The following HIVEP2 variants were observed in gnomAD, a reference collection of about 807,000 sequenced individuals.
The protein encoded by HIVEP2 is transcription factor HIVEP2.
Under a neutral mutation model 180.7 loss-of-function variants are expected in HIVEP2, and 14 were observed. The observed-to-expected ratio is 0.08, with a 90% confidence interval of 0.05 to 0.12. HIVEP2 has a LOEUF of 0.12. Among genes scored for constraint, HIVEP2 ranks in the 10% least tolerant of loss-of-function variants. The pLI, the probability that HIVEP2 is intolerant of heterozygous loss-of-function variation, is 1.00. For synonymous variants in HIVEP2, 1,184 were observed against 1,136.4 expected (o/e 1.04, Z -0.84); for missense variants, 2,579 against 3,008.5 (o/e 0.86, Z 3.34).
At chr6:142,875,032 A>T (rs1776394949) in intron 1 of HIVEP2, among the ~76,000 whole-genome samples, 1 of 152,200 alleles carries the variant, frequency 6.6e-6, no homozygotes, top group South Asian at 2.1e-4. Context: ...ACAGACAAAA[A>T]ATACATCAAC....
chr6:142,777,472 C>T (rs1028631925), intron 3 of HIVEP2, among the ~76,000 whole-genome samples: 12 of 151,644 alleles, frequency 7.9e-5, no homozygotes, highest in Admixed American at 7.2e-4. Flanking sequence ...CATAGAGAAA[C>T]CCTGTTTCTA....
Position 142,770,194 on chromosome 6 carries a change from G to A in HIVEP2, c.4545C>T (p.Phe1515=). Residue 1515 remains phenylalanine, a synonymous_variant, in exon 5 of 10, where the codon TTC becomes TTT. Coordinates refer to ENST00000367603, the MANE Select transcript of HIVEP2 (RefSeq NM_006734.4). The surrounding 1 kb of genome is among the most constrained non-coding windows in gnomAD (Gnocchi z 4.7). ...KDGLQSGSSS[F]SSLSPSSSQD... ...GAGATGAGGAGGGCGACAGCGAGGA[G>A]AAGGAAGATGACCCTGACTGCAAGC... is the stretch of plus-strand genomic sequence containing the variant. The A allele has an allele frequency of 6.2e-7, 1 of 1,614,206 alleles. No individual in the cohort carries two copies. Among genetic ancestry groups the A allele is most frequent in the Non-Finnish European group, 8.5e-7 (1 of 1,180,034 alleles).
At chr6:142,894,806 G>A (rs555404104) in intron 1 of HIVEP2, among the ~76,000 whole-genome samples, 2 of 152,204 alleles carry the variant, frequency 1.3e-5, no homozygotes, top group East Asian at 1.9e-4. Context: ...TCATTTGAAC[G>A]CAGGGTCTCC....
At chr6:142,932,461 G>A (rs182475642) in intron 1 of HIVEP2, among the ~76,000 whole-genome samples, 5 of 152,162 alleles carry the variant, frequency 3.3e-5, no homozygotes, top group East Asian at 3.9e-4. Context: ...ATTTATTTTT[G>A]AGGAGTTATT....
Position 142,773,570 on chromosome 6 carries a change from G to A in HIVEP2, c.1169C>T (p.Pro390Leu), listed in dbSNP as rs1486376896. The change falls in exon 5 of 10, where the codon CCG becomes CTG. Residue 390 changes from proline (P) to leucine (L), a missense_variant. By Grantham distance (98) the Pro-to-Leu change is moderately conservative (BLOSUM62 -3). Transcript: ENST00000367603. ...AGAATCAGTGCTTCCTTTACTGTGC[G>A]GGCTCAGAAGGTTGAGCGATGGCTC... ...DSEPSLNLLS[P>L]HSKGSTDSGY... 1.2e-6 allele frequency: 2 copies of A among 1,614,000 alleles called. No individual in the cohort carries two copies. Among genetic ancestry groups the A allele is most frequent in the African/African-American group, 1.3e-5 (1 of 74,894 alleles).
intron 2 of HIVEP2, among the ~76,000 whole-genome samples, chr6:142,791,569 C>G (rs932337967): frequency 1.3e-5 from 2 of 152,180 alleles, no homozygotes; most frequent in African/African-American, 4.8e-5. Context: ...CAAATTCTGT[C>G]AGGCAATTCC....
At chr6:142,865,641 C>A (rs768420727) in intron 1 of HIVEP2, among the ~76,000 whole-genome samples, 1 of 152,016 alleles carries the variant, frequency 6.6e-6, no homozygotes, top group Non-Finnish European at 1.5e-5. Context: ...TTAATGTGCA[C>A]ACTTAAAAGA....
intron 1 of HIVEP2, among the ~76,000 whole-genome samples, chr6:142,883,997 G>A: frequency 6.6e-6 from 1 of 152,072 alleles, no homozygotes; most frequent in East Asian, 1.9e-4. Flanking sequence ...AATTTTAAAT[G>A]TCTAAAATTG....
At position 142,943,270 on chromosome 6, in the gene HIVEP2, A is replaced by G. The variant is rs1778224133; in HGVS notation, c.-641+1829T>C. 6.6e-6 allele frequency among the ~76,000 whole-genome samples: 1 copy of G among 152,186 alleles called. No homozygotes were observed. The highest frequency in any genetic ancestry group is 2.4e-5 in the African/African-American group (1 of 41,434). On this transcript the variant is annotated intron_variant, in intron 1 of 9. Transcript: ENST00000367603. The surrounding 1 kb of genome is among the most constrained non-coding windows in gnomAD (Gnocchi z 4.5). ...AAATTCTGCTTCTGGCACTCTTATAAGGTGAAAAAGCAATGAGACATTTGC... is the reference window on the plus strand; with the variant it reads ...AAATTCTGCTTCTGGCACTCTTATAGGGTGAAAAAGCAATGAGACATTTGC...
At chr6:142,864,068 C>T (rs1460296327) in intron 1 of HIVEP2, among the ~76,000 whole-genome samples, 1 of 152,144 alleles carries the variant, frequency 6.6e-6, no homozygotes, top group African/African-American at 2.4e-5. Context: ...GGAAAGACCA[C>T]CCAGTAAGCA....
chr6:142,803,967 C>T (rs1328542177), intron 2 of HIVEP2, among the ~76,000 whole-genome samples: 5 of 152,138 alleles, frequency 3.3e-5, no homozygotes, highest in Non-Finnish European at 2.9e-5. Context: ...GCTGAAAGAG[C>T]TCTTAAGCAT....
chr6:142,894,408 T>A lies in HIVEP2; in HGVS notation c.-641+50691A>T, dbSNP rs571177354. Among the ~76,000 whole-genome samples the A allele has an allele frequency of 2.0e-5, 3 of 152,344 alleles. No individual in the cohort carries two copies. The South Asian group carries it at 6.2e-4, about 32-fold the overall frequency. On this transcript the variant is annotated intron_variant, in intron 1 of 9. Transcript: ENST00000367603. ...ACAGGTTAACTTCCCAAAGTTTGACTGTTCAAGAGCACAGGGGCCATATCT... is the reference window on the plus strand; with the variant it reads ...ACAGGTTAACTTCCCAAAGTTTGACAGTTCAAGAGCACAGGGGCCATATCT...
At chr6:142,796,212 C>T (rs1398921156) in intron 2 of HIVEP2, among the ~76,000 whole-genome samples, 1 of 152,048 alleles carries the variant, frequency 6.6e-6, no homozygotes, top group African/African-American at 2.4e-5. Flanking sequence ...GTCCTATCAG[C>T]ATAGTAAACA....
intron 7 of HIVEP2, 35 bp downstream of exon 7, chr6:142,764,764 A>C (rs749820767): frequency 2.0e-6 from 3 of 1,512,678 alleles, no homozygotes; most frequent in Non-Finnish European, 2.7e-6. Flanking sequence ...AGCCATAGAG[A>C]AGTATTTTTC....
intron 2 of HIVEP2, among the ~76,000 whole-genome samples, chr6:142,816,349 CA>C (rs1776834034): frequency 2.0e-5 from 3 of 152,168 alleles, no homozygotes; most frequent in Admixed American, 1.3e-4. Flanking sequence ...CAGTTCAGCC[CA>C]TTTCCAGAAT....
At chr6:142,800,909 G>A (rs1776388570) in intron 2 of HIVEP2, among the ~76,000 whole-genome samples, 1 of 152,048 alleles carries the variant, frequency 6.6e-6, no homozygotes, top group African/African-American at 2.4e-5. Context: ...GTTGCTTTTT[G>A]ATGTTAATGA....
intron 1 of HIVEP2, among the ~76,000 whole-genome samples, chr6:142,854,020 A>G (rs1775755264): frequency 6.6e-6 from 1 of 152,130 alleles, no homozygotes; most frequent in South Asian, 2.1e-4. Context: ...GGGAATATTC[A>G]CTGTTTAGTC....
At chr6:142,831,032 G>A (rs1170868872) in intron 2 of HIVEP2, among the ~76,000 whole-genome samples, 1 of 152,208 alleles carries the variant, frequency 6.6e-6, no homozygotes, top group Non-Finnish European at 1.5e-5. Context: ...AGTACTCTGG[G>A]TACAAATGGC....
chr6:142,762,373 T>C (rs1775265653), intron 7 of HIVEP2, among the ~76,000 whole-genome samples: 1 of 152,068 alleles, frequency 6.6e-6, no homozygotes, highest in African/African-American at 2.4e-5. Flanking sequence ...ATATATAATT[T>C]GTATAACTGC....
Sources: gnomAD v4.1 joint callset for allele counts (sites outside exome capture counted in the v4.1 genomes callset) on GRCh38, gnomAD v4.1.1 for gene constraint, Gnocchi (gnomAD v3.1) non-coding constraint, MANE v1.5 for transcripts, NCBI Gene and HGNC (gene_info 2026-07-23, HGNC 2026-07-21) for gene names.